The following POMT2 variants were observed in gnomAD, a reference collection of about 807,000 sequenced individuals.
POMT2 encodes the protein protein O-mannosyltransferase 2.
In POMT2, 75 loss-of-function variants were observed where a neutral mutation model predicts 100.0. The observed-to-expected ratio is 0.75, with a 90% CI of 0.62 to 0.91. The LOEUF (loss-of-function observed/expected upper bound fraction) is 0.91, where lower values mean the gene tolerates loss of function less well. Among genes scored for constraint, POMT2 ranks in the 40% least tolerant of loss-of-function variants. POMT2 has a pLI of 0.00. For synonymous variants in POMT2, 378 were observed against 374.1 expected, an observed-to-expected ratio of 1.01 and a Z score of -0.12; for missense variants, 940 against 955.1, an observed-to-expected ratio of 0.98 and a Z score of 0.21.
intron 1 of POMT2, among the ~76,000 whole-genome samples, chr14:77,318,924 C>T (rs1268766184): frequency 3.9e-5 from 6 of 152,208 alleles, no homozygotes; most frequent in South Asian, 2.1e-4. Context: ...TCAGTTGAGA[C>T]GGAGTTTCAC....
At chr14:77,278,916 A>C (rs1890094232) in intron 18 of POMT2, 47 bp from the exon 19 acceptor site, 1 of 1,592,690 alleles carries the variant, frequency 6.3e-7, no homozygotes, top group South Asian at 1.1e-5. Flanking sequence ...GAGCGGGCAG[A>C]GATTCCAGGC....
At chr14:77,308,360 T>TG (rs1402302204) in intron 2 of POMT2, among the ~76,000 whole-genome samples, 2 of 149,142 alleles carry the variant, frequency 1.3e-5, no homozygotes, top group Non-Finnish European at 3.0e-5. Flanking sequence ...TTTTTTGTTT[T>TG]TTTTTTTTTT....
chr14:77,302,125 TG>T (rs1891065955), intron 5 of POMT2, among the ~76,000 whole-genome samples: 1 of 152,220 alleles, frequency 6.6e-6, no homozygotes, highest in Non-Finnish European at 1.5e-5. Flanking sequence ...TGAGCCTGGC[TG>T]TGCAAAGTTA....
chr14:77,278,069 A>T (rs576207060), intron 20 of POMT2, among the ~76,000 whole-genome samples: 61 of 151,532 alleles, frequency 4.0e-4, no homozygotes, highest in African/African-American at 1.3e-3. Context: ...CCCCATTCCC[A>T]CACTCCCCCT....
At chr14:77,307,948 T>C (rs1433819233) in intron 2 of POMT2, among the ~76,000 whole-genome samples, 1 of 145,658 alleles carries the variant, frequency 6.9e-6, no homozygotes, top group Non-Finnish European at 1.5e-5. Flanking sequence ...CTGCAACCTC[T>C]GCCTCCCAGG....
In POMT2 at chr14:77,301,087, C is replaced by T. The variant is rs780940512; in HGVS notation, c.816+3G>A. 1 of 1,614,098 alleles carries T rather than the reference C, an allele frequency of 6.2e-7. No individual in the cohort carries two copies. Among genetic ancestry groups the T allele is most frequent in the South Asian group, 1.1e-5 (1 of 91,060 alleles). On this transcript the variant is annotated splice_donor_region_variant and intron_variant, in intron 6 of 20. Transcript: ENST00000261534. ...TTTCCACAGCAAACCCTTGGGTGCT[C>T]ACCAATGAAAGACTGAGGTCTCCGA...
chr14:77,314,012 G>A (rs8007615), intron 1 of POMT2, among the ~76,000 whole-genome samples: 49,753 of 151,938 alleles, frequency 0.33, 8,324 homozygotes, highest in East Asian at 0.44. Context: ...CCCAGCCTGG[G>A]CTCCAGATTT....
chr14:77,278,613 A>AC, intron 19 of POMT2, 105 bp from the exon 20 acceptor site: 4 of 1,499,652 alleles, frequency 2.7e-6, no homozygotes, highest in Non-Finnish European at 3.7e-6. Flanking sequence ...CACTCCCAGC[A>AC]CTGCTGCCCC....
In POMT2 at chr14:77,277,992, C is replaced by T. The variant is rs976732572; in HGVS notation, c.2147+402G>A. ...CCCTGTCCCCCATTGCCCCCCGGTT[C>T]CCCCCTCCCTCACCCGGAGAGCTGT... On this transcript the variant is annotated intron_variant, in intron 20 of 20. Coordinates refer to ENST00000261534, the MANE Select transcript of POMT2 (RefSeq NM_013382.7). Among the ~76,000 whole-genome samples the T allele has an allele frequency of 2.7e-5, 4 of 148,092 alleles. No homozygotes were observed. The South Asian group carries it at 6.6e-4, about 24-fold the overall frequency.
At chr14:77,278,340 T>C in intron 20 of POMT2, 54 bp downstream of exon 20, 1 of 1,352,730 alleles carries the variant, frequency 7.4e-7, no homozygotes, top group Non-Finnish European at 1.0e-6. Context: ...GCATCAGGGC[T>C]GAGGCACTGC....
At chr14:77,313,680 G>GT (rs1891521645) in intron 1 of POMT2, among the ~76,000 whole-genome samples, 1 of 152,042 alleles carries the variant, frequency 6.6e-6, no homozygotes, top group African/African-American at 2.4e-5. Flanking sequence ...AAGGATTCCA[G>GT]TTTTTTTGTT....
chr14:77,316,734 T>C (rs1891645445), intron 1 of POMT2, among the ~76,000 whole-genome samples: 1 of 152,142 alleles, frequency 6.6e-6, no homozygotes, highest in South Asian at 2.1e-4. Context: ...TTCCTGTAAA[T>C]GCTTAGGCCT....
At chr14:77,311,094 T>C (rs1891419833) in intron 2 of POMT2, among the ~76,000 whole-genome samples, 3 of 152,194 alleles carry the variant, frequency 2.0e-5, no homozygotes, top group Non-Finnish European at 2.9e-5. Flanking sequence ...GATTGTACCA[T>C]TGCAGTCCAG....
At chr14:77,287,534 C>T (rs1198725321) in intron 11 of POMT2, 1 of 106,458 alleles carries the variant, frequency 9.4e-6, no homozygotes, top group Non-Finnish European at 2.1e-5. Flanking sequence ...CTCTCTCTCT[C>T]TCTCTCTCTC....
In POMT2 at chr14:77,320,609, C is replaced by T. The variant is rs776634122; in HGVS notation, c.73G>A (p.Ala25Thr). Residue 25 changes from alanine (A) to threonine (T), a missense_variant, in exon 1 of 21, where the codon GCT becomes ACT. Transcript: ENST00000261534. ...ACGTCCCGGCCTGCGGCCCTAGCAG[C>T]CTGGGGGCCACAGCGGCCCCTCCGG... The part of the protein sequence containing the change: ...RPRRGRCGPQ[A>T]ARAAGRDVAA... 3 of 1,588,722 alleles carry T rather than the reference C, an allele frequency of 1.9e-6. No individual in the cohort carries two copies. The South Asian group carries it at 3.3e-5, about 18-fold the overall frequency.
At position 77,296,285 on chromosome 14, in the gene POMT2, G is replaced by C; in HGVS notation, c.1007-12C>G. 1 of 1,574,634 alleles carries C rather than the reference G, an allele frequency of 6.4e-7. No individual in the cohort carries two copies. The highest frequency in any genetic ancestry group is 8.6e-7 in the Non-Finnish European group (1 of 1,156,074). ...GCCGTAGGCCAGGTCTGGGAGGAAG[G>C]GAGACAGCAGAGGGGTGAGCTGGCA... On this transcript the variant is annotated splice_polypyrimidine_tract_variant and intron_variant, in intron 8 of 20. Transcript: ENST00000261534.
intron 19 of POMT2, 25 bp from the exon 20 acceptor site, chr14:77,278,533 A>G: frequency 6.9e-7 from 1 of 1,454,808 alleles, no homozygotes. Flanking sequence ...AGAAACCTGG[A>G]GTCAGCCAGG....
intron 9 of POMT2, among the ~76,000 whole-genome samples, chr14:77,292,195 G>A (rs906985294): frequency 6.6e-6 from 1 of 152,142 alleles, no homozygotes; most frequent in Admixed American, 6.5e-5. Flanking sequence ...CAGTATGACT[G>A]TCTAGTAATA....
Position 77,291,388 on chromosome 14 carries a change from G to C in POMT2, c.1117-8C>G. The C allele has an allele frequency of 1.6e-6, 1 of 613,822 alleles. No individual in the cohort carries two copies. Among genetic ancestry groups the C allele is most frequent in the African/African-American group, 2.2e-5 (1 of 44,966 alleles). 38.0% of individuals were successfully genotyped at this position (613,822 alleles called of 1,614,324 possible). Reference sequence around the variant, plus strand: ...GTGCAAATAGGTGGTGACCTGGGTGGGGGGTGGGGGCGGAGGGAAGAGGAA... The same window carrying C: ...GTGCAAATAGGTGGTGACCTGGGTGCGGGGTGGGGGCGGAGGGAAGAGGAA... On this transcript the variant is annotated splice_region_variant and splice_polypyrimidine_tract_variant and intron_variant, in intron 9 of 20. Transcript: ENST00000261534.
Sources: gnomAD v4.1 joint callset for allele counts (sites outside exome capture counted in the v4.1 genomes callset) on GRCh38, gnomAD v4.1.1 for gene constraint, MANE v1.5 for transcripts, NCBI Gene and HGNC (gene_info 2026-07-23, HGNC 2026-07-21) for gene names.